The following STARD13 variants were observed in gnomAD, a reference collection of about 807,000 sequenced individuals.
STARD13 encodes the protein StAR related lipid transfer domain containing 13, also known as stAR-related lipid transfer protein 13.
A neutral mutation model predicts 106.4 loss-of-function variants in STARD13; 62 were observed. The ratio of observed to expected loss-of-function variants is 0.58; its 90% CI spans 0.48 to 0.72. STARD13 has a LOEUF of 0.72. STARD13 is among the 30% of genes least tolerant of loss of function. The pLI is 0.00. For missense variants in STARD13, 1,387 were observed against 1,424.0 expected, an observed-to-expected ratio of 0.97 and a Z score of 0.42; for synonymous variants, 565 against 553.0, an observed-to-expected ratio of 1.02 and a Z score of -0.31.
At chr13:33,624,979 T>C in the STARD13 span, among the ~76,000 whole-genome samples, 1 of 152,204 alleles carries the variant, frequency 6.6e-6, no homozygotes, top group Non-Finnish European at 1.5e-5. Context: ...GATGTCATCC[T>C]GTTTGGCTGG....
chr13:33,479,244 C>T, the STARD13 span, among the ~76,000 whole-genome samples: 390 of 152,232 alleles, frequency 2.6e-3, 2 homozygotes, highest in African/African-American at 8.9e-3. Flanking sequence ...TCTCTTTTAG[C>T]AAGAGGAAAG....
the STARD13 span, among the ~76,000 whole-genome samples, chr13:33,521,088 G>A: frequency 3.3e-5 from 5 of 152,218 alleles, no homozygotes; most frequent in South Asian, 4.1e-4. Context: ...CCATGGGAAC[G>A]ACTCGAGCTG....
chr13:33,538,744 C>T, the STARD13 span, among the ~76,000 whole-genome samples: 2 of 151,440 alleles, frequency 1.3e-5, no homozygotes, highest in African/African-American at 4.8e-5. Flanking sequence ...GATCCAAATA[C>T]TGGAGTTAAT....
the STARD13 span, among the ~76,000 whole-genome samples, chr13:33,617,032 T>C: frequency 6.6e-6 from 1 of 152,368 alleles, no homozygotes; most frequent in East Asian, 1.9e-4. Context: ...CAGCACCCTA[T>C]GTTATTAGTG....
At chr13:33,605,431 T>C in the STARD13 span, among the ~76,000 whole-genome samples, 70 of 151,296 alleles carry the variant, frequency 4.6e-4, no homozygotes, top group African/African-American at 1.5e-3. Context: ...TTTTAAGTTA[T>C]AGTTTTCTAA....
At chr13:33,502,769 T>C in the STARD13 span, among the ~76,000 whole-genome samples, 2 of 152,248 alleles carry the variant, frequency 1.3e-5, no homozygotes, top group South Asian at 2.1e-4. Context: ...TTTGATGTGC[T>C]GCTAGATTCG....
At chr13:33,406,394 T>C in the STARD13 span, among the ~76,000 whole-genome samples, 15 of 152,364 alleles carry the variant, frequency 9.8e-5, no homozygotes, top group Non-Finnish European at 1.8e-4. Context: ...GATTATGTTC[T>C]AAAAATTTGC....
At chr13:33,375,845 C>T in the STARD13 span, among the ~76,000 whole-genome samples, 1 of 152,056 alleles carries the variant, frequency 6.6e-6, no homozygotes, top group East Asian at 1.9e-4. Flanking sequence ...ATATCAGCCC[C>T]CTTTCACACC....
At chr13:33,111,958 A>G in intron 9 of STARD13, 66 bp from the exon 10 acceptor site, 1 of 1,010,768 alleles carries the variant, frequency 9.9e-7, no homozygotes, top group Non-Finnish European at 1.6e-6. Context: ...TACCAAACTC[A>G]TCCCTTTTGT....
the STARD13 span, among the ~76,000 whole-genome samples, chr13:33,388,558 A>G: frequency 6.6e-6 from 1 of 152,178 alleles, no homozygotes; most frequent in South Asian, 2.1e-4. Flanking sequence ...CCCACAAAGG[A>G]GGAATCTGGC....
At chr13:33,445,236 AG>A in the STARD13 span, among the ~76,000 whole-genome samples, 1 of 152,230 alleles carries the variant, frequency 6.6e-6, no homozygotes, top group African/African-American at 2.4e-5. Flanking sequence ...TAAAACCAAA[AG>A]CAGTAGATAA....
chr13:33,238,406 G>T (rs1364554572), intron 1 of STARD13, among the ~76,000 whole-genome samples: 1 of 152,058 alleles, frequency 6.6e-6, no homozygotes, highest in East Asian at 1.9e-4. Context: ...GAAAGATTTG[G>T]GGAAAATGAA....
chr13:33,346,100 A>G (rs1024474905), downstream of STARD13, among the ~76,000 whole-genome samples: 4 of 152,166 alleles, frequency 2.6e-5, no homozygotes, highest in African/African-American at 9.7e-5. Flanking sequence ...CTTCTCTCAG[A>G]TCTCTGCCAT....
the STARD13 span, among the ~76,000 whole-genome samples, chr13:33,438,724 A>G: frequency 6.6e-6 from 1 of 152,204 alleles, no homozygotes; most frequent in African/African-American, 2.4e-5. Flanking sequence ...GCAGATGACT[A>G]TATCCCAGAG....
At chr13:33,457,562 T>G in the STARD13 span, among the ~76,000 whole-genome samples, 1 of 152,192 alleles carries the variant, frequency 6.6e-6, no homozygotes, top group Non-Finnish European at 1.5e-5. Flanking sequence ...TCTTAGTCCA[T>G]TCGGGCTGCT....
At chr13:33,430,808 G>A in the STARD13 span, among the ~76,000 whole-genome samples, 1 of 152,156 alleles carries the variant, frequency 6.6e-6, no homozygotes, top group Middle Eastern at 3.2e-3. Context: ...AGTGAAATAA[G>A]CCAAGCACGG....
chr13:33,269,486 A>C (rs920558106), intron 1 of STARD13, among the ~76,000 whole-genome samples: 10 of 152,198 alleles, frequency 6.6e-5, no homozygotes, highest in Non-Finnish European at 1.2e-4. Context: ...AGACCACAAT[A>C]AGTACTTGGA....
chr13:33,362,652 G>T, the STARD13 span, among the ~76,000 whole-genome samples: 1 of 143,346 alleles, frequency 7.0e-6, no homozygotes, highest in Non-Finnish European at 1.5e-5. Context: ...CACAACAAAG[G>T]TTGTTGAATT....
chr13:33,143,356 C>T (rs912847255), intron 3 of STARD13, among the ~76,000 whole-genome samples: 30 of 152,080 alleles, frequency 2.0e-4, no homozygotes, highest in African/African-American at 7.2e-4. Flanking sequence ...TCTTCTTGGT[C>T]ATTGTGTAAG....
Sources: gnomAD v4.1 joint callset for allele counts (sites outside exome capture counted in the v4.1 genomes callset) on GRCh38, gnomAD v4.1.1 for gene constraint, MANE v1.5 for transcripts, NCBI Gene and HGNC (gene_info 2026-07-23, HGNC 2026-07-21) for gene names.